ETS1: variants seen among roughly 807,000 people sequenced by gnomAD.
ETS1 encodes protein C-ets-1.
In ETS1, 15 loss-of-function variants were observed where a neutral mutation model predicts 58.6. That is an observed-to-expected ratio of 0.26 (90% CI 0.17 to 0.39). The LOEUF (loss-of-function observed/expected upper bound fraction) is 0.39, where lower values mean the gene tolerates loss of function less well. Among genes scored for constraint, ETS1 ranks in the 10% least tolerant of loss-of-function variants. The pLI is 1.00. For missense variants in ETS1, 417 were observed against 610.5 expected (o/e 0.68, Z 3.34); for synonymous variants, 214 against 218.2 (o/e 0.98, Z 0.17).
intron 3 of ETS1, among the ~76,000 whole-genome samples, chr11:128,516,684 G>T (rs554476349): frequency 4.6e-5 from 7 of 152,236 alleles, no homozygotes; most frequent in African/African-American, 1.7e-4. Flanking sequence ...GACAACTCCA[G>T]ACCATGTGCC....
chr11:128,585,125 A>C (rs1328113597), intron 1 of ETS1, among the ~76,000 whole-genome samples: 1 of 5,592 alleles, frequency 1.8e-4, no homozygotes, highest in African/African-American at 1.2e-3. Flanking sequence ...GGAAAGAAAG[A>C]AGAAAGAAAG....
At chr11:128,486,263 A>C in intron 5 of ETS1, 117 bp from the exon 6 acceptor site, 1 of 661,606 alleles carries the variant, frequency 1.5e-6, no homozygotes, top group South Asian at 1.9e-5. Context: ...AGAAATCTGC[A>C]TACTCATTAA....
chr11:128,482,620 G>A lies in ETS1; in HGVS notation c.863-2169C>T, dbSNP rs546813242. On this transcript the variant is annotated intron_variant, in intron 7 of 9. Coordinates refer to ENST00000392668, the MANE Select transcript of ETS1 (RefSeq NM_001143820.2). ...CCTGTTGAGAGTTGTGGTTTACAGC[G>A]GTAGGCAGCTTTCATTTTAGCTCGA... Among the ~76,000 whole-genome samples, 8 of 152,248 alleles carry A rather than the reference G, an allele frequency of 5.3e-5. No homozygotes were observed. In the South Asian group the frequency reaches 8.3e-4, roughly 16 times the overall value.
In ETS1 at chr11:128,462,432, G is replaced by A; in HGVS notation, c.1387C>T (p.Gln463Ter). 6.2e-7 allele frequency: 1 copy of A among 1,614,198 alleles called. No homozygotes were observed. The highest frequency in any genetic ancestry group is 8.5e-7 in the Non-Finnish European group (1 of 1,180,042). Residue 463 changes from glutamine (Q) to a stop codon, truncating the protein, a stop_gained, in exon 10 of 10, where the codon CAG becomes TAG. Transcript: ENST00000392668. LOFTEE classifies it high-confidence loss of function. ...RYVYRFVCDL[Q>*]SLLGYTPEEL... is the part of the protein sequence containing the mutation. ...TCAGGGGTGTACCCCAGCAGGCTCT[G>A]CAGGTCACACACAAAGCGGTACACG...
intron 3 of ETS1, among the ~76,000 whole-genome samples, chr11:128,502,144 G>A (rs1323971979): frequency 1.3e-5 from 2 of 152,210 alleles, no homozygotes; most frequent in East Asian, 3.8e-4. Flanking sequence ...CCAGACAGGA[G>A]GAACTGGAAG....
chr11:128,483,715 A>C (rs1862550451), intron 7 of ETS1, among the ~76,000 whole-genome samples: 1 of 152,196 alleles, frequency 6.6e-6, no homozygotes, highest in East Asian at 1.9e-4. Context: ...TACTCGAAGA[A>C]GACGACAATG....
chr11:128,471,133 A>G (rs1257713683), intron 8 of ETS1, among the ~76,000 whole-genome samples: 1 of 152,192 alleles, frequency 6.6e-6, no homozygotes, highest in East Asian at 1.9e-4. Flanking sequence ...ACAAATGCCA[A>G]TAGTTTGGGC....
At chr11:128,475,953 C>G (rs886268213) in intron 8 of ETS1, among the ~76,000 whole-genome samples, 1 of 152,004 alleles carries the variant, frequency 6.6e-6, no homozygotes, top group African/African-American at 2.4e-5. Flanking sequence ...CAGATAGTCC[C>G]AAATTTAGCC....
intron 7 of ETS1, among the ~76,000 whole-genome samples, chr11:128,480,897 A>G (rs1862468552): frequency 6.6e-6 from 1 of 152,196 alleles, no homozygotes; most frequent in Admixed American, 6.5e-5. Context: ...AGCCAATGAG[A>G]TGACTTCAAA....
rs57498864 is a variant in ETS1, at chr11:128,460,092, AC to A, written c.*2268del. 14,832 of 151,472 alleles carry A rather than the reference AC, an allele frequency of 0.098. 1,556 individuals carry two copies. The highest frequency in any genetic ancestry group is 0.27 in the African/African-American group (11,057 of 41,120). 9.4% of individuals were successfully genotyped at this position (151,472 alleles called of 1,614,324 possible). ...TGCAAACACACACACACACACACACACACACACACACACACACACACACAAC... is the reference window on the plus strand; with the variant it reads ...TGCAAACACACACACACACACACACAACACACACACACACACACACACAAC... On this transcript the variant is annotated 3_prime_UTR_variant, in exon 10 of 10. Transcript: ENST00000392668.
Position 128,486,094 on chromosome 11 carries a change from G to C in ETS1, c.588C>G (p.Ser196=), listed in dbSNP as rs1338813674. The change falls in exon 6 of 10, where the codon TCC becomes TCG. Residue 196 remains serine (S), a synonymous_variant. Coordinates refer to ENST00000392668, the MANE Select transcript of ETS1 (RefSeq NM_001143820.2). Reference sequence around the variant, plus strand: ...TAATGAAGTAATCCGAGGTATAGCGGGATTCTGGATAGGCTGGGTTGACTC... The same window carrying C: ...TAATGAAGTAATCCGAGGTATAGCGCGATTCTGGATAGGCTGGGTTGACTC... ...VNGVNPAYPE[S]RYTSDYFISY... is the part of the protein sequence containing the mutation. 4 of 1,611,042 alleles carry C rather than the reference G, an allele frequency of 2.5e-6. No individual in the cohort carries two copies. In the African/African-American group the frequency reaches 5.3e-5, roughly 22 times the overall value.
chr11:128,568,140 G>A (rs1244100052), intron 2 of ETS1, among the ~76,000 whole-genome samples: 1 of 152,172 alleles, frequency 6.6e-6, no homozygotes, highest in Non-Finnish European at 1.5e-5. Flanking sequence ...GCTCTGGGAG[G>A]AGGTGAGTGG....
At chr11:128,477,621 G>A (rs1266415892) in intron 8 of ETS1, among the ~76,000 whole-genome samples, 1 of 152,048 alleles carries the variant, frequency 6.6e-6, no homozygotes, top group African/African-American at 2.4e-5. Context: ...ATCAATTACA[G>A]GGAAAAAATA....
intron 2 of ETS1, among the ~76,000 whole-genome samples, chr11:128,564,755 A>G (rs966129403): frequency 7.9e-5 from 12 of 152,098 alleles, no homozygotes; most frequent in African/African-American, 2.7e-4. Flanking sequence ...TCAGAAGCCC[A>G]GTGGTACCAT....
At chr11:128,518,098 A>G (rs918192419) in intron 3 of ETS1, among the ~76,000 whole-genome samples, 12 of 152,182 alleles carry the variant, frequency 7.9e-5, no homozygotes, top group African/African-American at 2.9e-4. Flanking sequence ...GACAATCTCC[A>G]TCACCCAAAG....
intron 8 of ETS1, among the ~76,000 whole-genome samples, chr11:128,470,137 T>C (rs575641283): frequency 1.3e-5 from 2 of 152,290 alleles, no homozygotes; most frequent in South Asian, 2.1e-4. Context: ...TATCTAACCA[T>C]GAAAAAGAGT....
chr11:128,584,576 C>T (rs1591682393), intron 1 of ETS1, among the ~76,000 whole-genome samples: 2 of 152,138 alleles, frequency 1.3e-5, no homozygotes, highest in Admixed American at 6.5e-5. Context: ...AACGTTAGGG[C>T]TGAGTATTCC....
chr11:128,469,329 G>T (rs1201676489), intron 8 of ETS1, among the ~76,000 whole-genome samples: 1 of 152,200 alleles, frequency 6.6e-6, no homozygotes, highest in Non-Finnish European at 1.5e-5. Flanking sequence ...CTGGCAGGTG[G>T]CCCTAAAACA....
At chr11:128,532,898 A>G (rs1332518543) in intron 3 of ETS1, among the ~76,000 whole-genome samples, 1 of 152,122 alleles carries the variant, frequency 6.6e-6, no homozygotes, top group African/African-American at 2.4e-5. Context: ...TATTAAAACC[A>G]CCACGTGCCT....
Sources: gnomAD v4.1 joint callset for allele counts (sites outside exome capture counted in the v4.1 genomes callset) on GRCh38, gnomAD v4.1.1 for gene constraint, MANE v1.5 for transcripts, NCBI Gene and HGNC (gene_info 2026-07-23, HGNC 2026-07-21) for gene names.